The following TMCO4 variants were observed in gnomAD, a reference collection of about 807,000 sequenced individuals.
TMCO4 encodes the protein transmembrane and coiled-coil domain-containing protein 4.
A neutral mutation model predicts 64.7 loss-of-function variants in TMCO4; 58 were observed. The observed-to-expected ratio is 0.90, with a 90% CI of 0.73 to 1.12. The LOEUF (loss-of-function observed/expected upper bound fraction) is 1.12, where lower values mean the gene tolerates loss of function less well. Among genes scored for constraint, TMCO4 ranks in the 50% most tolerant of loss-of-function variants. The probability of loss-of-function intolerance (pLI) is 0.00; values close to 1 mark genes in which losing one functional copy is unlikely to be tolerated. For missense variants in TMCO4, 780 were observed against 825.9 expected (o/e 0.94, Z 0.68); for synonymous variants, 325 against 346.1 (o/e 0.94, Z 0.68).
In TMCO4 at chr1:19,743,902, G is replaced by C. The variant is rs896999716; in HGVS notation, c.877+1630C>G. On this transcript the variant is annotated intron_variant, in intron 10 of 15. Transcript: ENST00000294543. This position sits in a 1 kb window ranked among gnomAD's most constrained non-coding sequence, Gnocchi z 4.1. The stretch of plus-strand genomic sequence containing the variant: ...AGTTTCTAGGAGGTAACCATACCAA[G>C]TTCCTACTATGCTGGTAAAATGCCA... 6.6e-6 allele frequency among the ~76,000 whole-genome samples: 1 copy of C among 152,218 alleles called. No individual in the cohort carries two copies. The highest frequency in any genetic ancestry group is 6.5e-5 in the Admixed American group (1 of 15,288).
At chr1:19,718,650 CAA>C (rs754998314) in intron 13 of TMCO4, among the ~76,000 whole-genome samples, 8 of 63,322 alleles carry the variant, frequency 1.3e-4, no homozygotes, top group Admixed American at 2.1e-4. Context: ...GACCGTCTCT[CAA>C]AAAAAAAAAA....
At chr1:19,740,035 A>T in intron 11 of TMCO4, 75 bp from the exon 12 acceptor site, 1 of 1,501,498 alleles carries the variant, frequency 6.7e-7, no homozygotes, top group Non-Finnish European at 8.9e-7. Flanking sequence ...TGGCTAACAG[A>T]TGCTCAAATA....
In TMCO4 at chr1:19,683,131, G is replaced by T. The variant is rs760863359; in HGVS notation, c.1814C>A (p.Pro605His). The part of the protein sequence containing the change: ...SLPAAASPER[P>H]PICSHGMDPN... ...GTCCATGCCATGGCTGCAGATGGGG[G>T]GCCTTTCAGGGCTGGCAGCAGCAGG... is the stretch of plus-strand genomic sequence containing the variant. Residue 605 changes from proline (P) to histidine (H), a missense_variant, in exon 16 of 16, where the codon CCC (proline) becomes CAC (histidine). Transcript: ENST00000294543. The T allele has an allele frequency of 1.2e-5, 20 of 1,613,812 alleles. No homozygotes were observed. Among genetic ancestry groups the T allele is most frequent in the Non-Finnish European group, 1.7e-5 (20 of 1,179,858 alleles).
At chr1:19,731,992 C>T in intron 13 of TMCO4, among the ~76,000 whole-genome samples, 1 of 152,236 alleles carries the variant, frequency 6.6e-6, no homozygotes, top group East Asian at 1.9e-4. Context: ...TCAGAGAGAT[C>T]TCCCGTCCAG....
intron 13 of TMCO4, among the ~76,000 whole-genome samples, chr1:19,721,788 C>CAAACA (rs745424127): frequency 0.023 from 3,456 of 151,714 alleles, 120 homozygotes; most frequent in African/African-American, 0.074. Flanking sequence ...GACCCTGTCT[C>CAAACA]AAACAAAACA....
chr1:19,760,644 A>C (rs1173924863), intron 6 of TMCO4, among the ~76,000 whole-genome samples: 2 of 152,232 alleles, frequency 1.3e-5, no homozygotes, highest in Non-Finnish European at 2.9e-5. Flanking sequence ...GTGGGATTAA[A>C]GGCATGAGCC....
intron 2 of TMCO4, among the ~76,000 whole-genome samples, chr1:19,792,831 C>A (rs867613479): frequency 7.7e-6 from 1 of 129,568 alleles, no homozygotes; most frequent in Admixed American, 9.4e-5. Context: ...AGTGCAGTGG[C>A]GCAATCTGGG....
Position 19,734,470 on chromosome 1 carries a change from TCA to T in TMCO4, c.1264+2900_1264+2901del, listed in dbSNP as rs1360285356. On this transcript the variant is annotated intron_variant, in intron 13 of 15. Transcript: ENST00000294543. This position sits in a 1 kb window ranked among gnomAD's most constrained non-coding sequence, Gnocchi z 4.4. ...CCGGGTCCTCCTTGGCAGGATCCACTCAGTTACTCATTCACTCCACAGTTTAA... is the reference window on the plus strand; with the variant it reads ...CCGGGTCCTCCTTGGCAGGATCCACTGTTACTCATTCACTCCACAGTTTAA... 2.0e-5 allele frequency among the ~76,000 whole-genome samples: 3 copies of T among 152,070 alleles called. No individual in the cohort carries two copies. The highest frequency in any genetic ancestry group is 7.2e-5 in the African/African-American group (3 of 41,398).
At chr1:19,707,506 CCAA>C (rs1466095194) in intron 13 of TMCO4, among the ~76,000 whole-genome samples, 1 of 152,192 alleles carries the variant, frequency 6.6e-6, no homozygotes, top group Non-Finnish European at 1.5e-5. Context: ...GCCTGTAATC[CCAA>C]CTTCTTGGGA....
intron 15 of TMCO4, among the ~76,000 whole-genome samples, chr1:19,691,468 T>A (rs567830542): frequency 1.3e-5 from 2 of 152,248 alleles, no homozygotes; most frequent in East Asian, 3.9e-4. Context: ...TTTGATTTTG[T>A]TTTTTTGTGC....
At chr1:19,733,135 C>T (rs945607721) in intron 13 of TMCO4, among the ~76,000 whole-genome samples, 11 of 152,056 alleles carry the variant, frequency 7.2e-5, no homozygotes, top group Admixed American at 4.6e-4. Context: ...GGCAATGTTG[C>T]GGGCACGTGT....
At chr1:19,765,846 G>A (rs1301125870) in intron 6 of TMCO4, among the ~76,000 whole-genome samples, 1 of 152,058 alleles carries the variant, frequency 6.6e-6, no homozygotes, top group Non-Finnish European at 1.5e-5. Flanking sequence ...CTAATTTCCT[G>A]GGCTGACTCC....
intron 14 of TMCO4, among the ~76,000 whole-genome samples, chr1:19,695,809 C>T (rs2095232262): frequency 6.6e-6 from 1 of 152,194 alleles, no homozygotes; most frequent in South Asian, 2.1e-4. Flanking sequence ...CCTCTACAGA[C>T]TCTCCTGCTG....
intron 2 of TMCO4, among the ~76,000 whole-genome samples, chr1:19,788,557 GA>G (rs541087381): frequency 6.6e-6 from 1 of 151,794 alleles, no homozygotes; most frequent in Non-Finnish European, 1.5e-5. Context: ...TTTGAGATCA[GA>G]AAAAAAATAA....
At chr1:19,758,995 G>A (rs753122421) in intron 6 of TMCO4, among the ~76,000 whole-genome samples, 4 of 151,446 alleles carry the variant, frequency 2.6e-5, no homozygotes, top group African/African-American at 7.3e-5. Flanking sequence ...CCAGCTACTC[G>A]GGAGGCTAAG....
intron 15 of TMCO4, among the ~76,000 whole-genome samples, chr1:19,691,315 G>T (rs1163589037): frequency 6.6e-6 from 1 of 152,160 alleles, no homozygotes; most frequent in Non-Finnish European, 1.5e-5. Context: ...TAGGAATTTT[G>T]TCTTAAGGCC....
rs1553145627 is a variant in TMCO4, at chr1:19,757,156, T to TA, written c.383-1391_383-1390insT. Among the ~76,000 whole-genome samples the TA allele has an allele frequency of 3.9e-5, 4 of 102,380 alleles. No homozygotes were observed. In the East Asian group the frequency reaches 9.9e-4, roughly 25 times the overall value. 67.2% of individuals were successfully genotyped at this position (102,380 alleles called of 152,430 possible). A position where few individuals can be genotyped will look rare whatever the true frequency, so the allele number is the denominator to read the frequency against. The stretch of plus-strand genomic sequence containing the variant: ...AAATACAAAAATTAGCCAGGCGTGG[T>TA]GGCGGGGGGGGGCGCCTGTAATTTC... On this transcript the variant is annotated intron_variant, in intron 6 of 15. Transcript: ENST00000294543.
intron 13 of TMCO4, among the ~76,000 whole-genome samples, chr1:19,721,750 C>A (rs2095384776): frequency 6.6e-6 from 1 of 152,044 alleles, no homozygotes; most frequent in African/African-American, 2.4e-5. Flanking sequence ...AATTGTGCCA[C>A]CGCACTCCAG....
rs995097799 is a variant in TMCO4 at position 19,682,403 on chromosome 1, A to G, written c.*637T>C. ...TCTGTTAGTGGTGTCCAGATGTTGC[A>G]TGACGGGGGAGCACACTCACATTGT... is the stretch of plus-strand genomic sequence containing the variant. On this transcript the variant is annotated 3_prime_UTR_variant, in exon 16 of 16. Transcript: ENST00000294543. 1.5e-4 allele frequency: 83 copies of G among 552,884 alleles called. No individual in the cohort carries two copies. Among genetic ancestry groups the G allele is most frequent in the South Asian group, 7.2e-5 (3 of 41,402 alleles). 34.2% of individuals were successfully genotyped at this position (552,884 alleles called of 1,614,324 possible).
Sources: gnomAD v4.1 joint callset for allele counts (sites outside exome capture counted in the v4.1 genomes callset) on GRCh38, gnomAD v4.1.1 for gene constraint, Gnocchi (gnomAD v3.1) non-coding constraint, MANE v1.5 for transcripts, NCBI Gene and HGNC (gene_info 2026-07-23, HGNC 2026-07-21) for gene names.